Variants in FRMPD1 observed in about 807,000 individuals in gnomAD.
The protein encoded by FRMPD1 is FERM and PDZ domain-containing protein 1.
A neutral mutation model predicts 117.8 loss-of-function variants in FRMPD1; 76 were observed. The ratio of observed to expected loss-of-function variants is 0.65; its 90% confidence interval spans 0.54 to 0.78. The LOEUF is 0.78. Among genes scored for constraint, FRMPD1 ranks in the 30% least tolerant of loss-of-function variants. FRMPD1 has a pLI of 0.00. For synonymous variants in FRMPD1, 783 were observed against 770.4 expected (o/e 1.02, Z -0.27); for missense variants, 1,786 against 1,964.5 (o/e 0.91, Z 1.72).
intron 2 of FRMPD1, among the ~76,000 whole-genome samples, chr9:37,695,228 A>G (rs12156643): frequency 0.35 from 52,569 of 152,034 alleles, 9,739 homozygotes; most frequent in Non-Finnish European, 0.43. Context: ...TTGAGGAACT[A>G]TCAGACTGTT....
chr9:37,711,497 A>T, intron 5 of FRMPD1, 102 bp downstream of exon 5: 1 of 879,106 alleles, frequency 1.1e-6, no homozygotes, highest in Non-Finnish European at 1.9e-6. Flanking sequence ...GGGAAGGCAA[A>T]GGGTGGAGGG....
At chr9:37,738,988 G>C (rs1255275607) in intron 14 of FRMPD1, among the ~76,000 whole-genome samples, 1 of 152,120 alleles carries the variant, frequency 6.6e-6, no homozygotes, top group Non-Finnish European at 1.5e-5. Context: ...GGAGGGGCTG[G>C]ACCATATTGC....
rs545942985 is a variant in FRMPD1, at chr9:37,705,429, G to A, written c.102-1987G>A. ...TGCAACCTCAGCCTCTTGAGTAGCT[G>A]GTACCACAGGTGTACACCACCAAGT... On this transcript the variant is annotated intron_variant, in intron 2 of 15. Transcript: ENST00000377765. 6.6e-5 allele frequency among the ~76,000 whole-genome samples: 10 copies of A among 152,192 alleles called. No homozygotes were observed. In the East Asian group the frequency reaches 1.5e-3, roughly 24 times the overall value.
chr9:37,646,863 G>A (rs1824149443), upstream of FRMPD1, among the ~76,000 whole-genome samples: 3 of 152,190 alleles, frequency 2.0e-5, no homozygotes, highest in Non-Finnish European at 4.4e-5. Flanking sequence ...GTATTTGAGT[G>A]CAAAGGAGAT....
intron 1 of FRMPD1, among the ~76,000 whole-genome samples, chr9:37,687,169 A>G (rs965310757): frequency 6.6e-6 from 1 of 152,216 alleles, no homozygotes; most frequent in Non-Finnish European, 1.5e-5. Context: ...AACTCATTCC[A>G]TGCTGGGATC....
At chr9:37,720,031 G>A (rs186778798) in intron 6 of FRMPD1, among the ~76,000 whole-genome samples, 7 of 152,222 alleles carry the variant, frequency 4.6e-5, no homozygotes, top group Admixed American at 6.5e-5. Context: ...AGCAAAGGCC[G>A]GGGGAGTCAC....
intron 10 of FRMPD1, 131 bp from the exon 11 acceptor site, chr9:37,733,342 A>C (rs1823976253): frequency 1.2e-6 from 1 of 819,844 alleles, no homozygotes; most frequent in South Asian, 1.7e-5. Flanking sequence ...AGAAAAAGAG[A>C]GGAGGAGAAA....
rs140020654 is a variant in FRMPD1 at position 37,725,075 on chromosome 9, A to C, written c.612+755A>C. On this transcript the variant is annotated intron_variant, in intron 7 of 15. Coordinates refer to ENST00000377765, the MANE Select transcript of FRMPD1 (RefSeq NM_014907.3). ...CAGAGAGTCACGTGAACTAATGCAG[A>C]GAGCCAGAAAAATGGCAATTGCCCA... Among the ~76,000 whole-genome samples the C allele has an allele frequency of 2.1e-3, 324 of 152,334 alleles. 1 individual carries two copies. Among genetic ancestry groups the C allele is most frequent in the African/African-American group, 7.3e-3 (302 of 41,580 alleles).
the FRMPD1 span, among the ~76,000 whole-genome samples, chr9:37,614,791 A>T: frequency 1.3e-5 from 2 of 152,256 alleles, no homozygotes; most frequent in Non-Finnish European, 2.9e-5. Context: ...GAGAAGTCAT[A>T]TTATAATCAG....
intron 1 of FRMPD1, among the ~76,000 whole-genome samples, chr9:37,691,338 C>T (rs1249223686): frequency 1.3e-5 from 2 of 152,150 alleles, no homozygotes; most frequent in Admixed American, 6.5e-5. Flanking sequence ...GTACTTACTG[C>T]CCCTAATTCC....
Position 37,745,530 on chromosome 9 carries a change from T to C in FRMPD1, c.3498T>C (p.Pro1166=), listed in dbSNP as rs745385483. Reference sequence around the variant, plus strand: ...TAACCTCCCTTTCTTTAGATGCTCCTGTAACAGGGACCGAGCAGATCCCAC... The same window carrying C: ...TAACCTCCCTTTCTTTAGATGCTCCCGTAACAGGGACCGAGCAGATCCCAC... ...KIVTSLSLDA[P]VTGTEQIPPH... Residue 1166 remains proline, a synonymous_variant, in exon 16 of 16, where the codon CCT becomes CCC. Transcript: ENST00000377765. 3.1e-6 allele frequency: 5 copies of C among 1,614,014 alleles called. No homozygotes were observed. The highest frequency in any genetic ancestry group is 1.3e-5 in the African/African-American group (1 of 74,926).
chr9:37,676,838 C>T (rs1350868745), intron 1 of FRMPD1, among the ~76,000 whole-genome samples: 2 of 152,172 alleles, frequency 1.3e-5, no homozygotes, highest in African/African-American at 4.8e-5. Flanking sequence ...TTTTAGACAG[C>T]CCGTTCTTAT....
In FRMPD1 at chr9:37,745,554, A is replaced by G; in HGVS notation, c.3522A>G (p.Pro1174=). Residue 1174 remains proline, a synonymous_variant, in exon 16 of 16, where the codon CCA becomes CCG. Transcript: ENST00000377765. ...DAPVTGTEQI[P]PHPPRDPQGQ... is the part of the protein sequence containing the mutation. The stretch of plus-strand genomic sequence containing the variant: ...CTGTAACAGGGACCGAGCAGATCCC[A>G]CCACATCCCCCTAGAGACCCTCAAG... 1 of 1,614,038 alleles carries G rather than the reference A, an allele frequency of 6.2e-7. No individual in the cohort carries two copies. Among genetic ancestry groups the G allele is most frequent in the Non-Finnish European group, 8.5e-7 (1 of 1,179,914 alleles).
the FRMPD1 span, among the ~76,000 whole-genome samples, chr9:37,632,469 G>A: frequency 1.3e-5 from 2 of 152,186 alleles, no homozygotes; most frequent in African/African-American, 4.8e-5. Flanking sequence ...AAGTGCTCAA[G>A]CAAGCCATCA....
Position 37,658,715 on chromosome 9 carries a change from A to G in FRMPD1, c.-5+7621A>G, listed in dbSNP as rs569330544. Among the ~76,000 whole-genome samples the G allele has an allele frequency of 3.1e-3, 471 of 152,264 alleles. 1 individual carries two copies. Among genetic ancestry groups the G allele is most frequent in the Non-Finnish European group, 4.1e-3 (278 of 68,012 alleles). Reference sequence around the variant, plus strand: ...TTTCAAATCTTTGTTTCACTCTTATAAGGACACTTGTCCTGAGATTTAGGG... The same window carrying G: ...TTTCAAATCTTTGTTTCACTCTTATGAGGACACTTGTCCTGAGATTTAGGG... On this transcript the variant is annotated intron_variant, in intron 1 of 15. Transcript: ENST00000377765.
chr9:37,653,771 A>G (rs1317326820), intron 1 of FRMPD1, among the ~76,000 whole-genome samples: 1 of 151,116 alleles, frequency 6.6e-6, no homozygotes, highest in Admixed American at 6.6e-5. Context: ...CCTGGGTAGC[A>G]TAGTGAGACC....
chr9:37,692,793 G>A lies in FRMPD1; in HGVS notation c.101+51G>A, dbSNP rs1431395877. On this transcript the variant is annotated intron_variant, in intron 2 of 15. Coordinates refer to ENST00000377765, the MANE Select transcript of FRMPD1 (RefSeq NM_014907.3). The stretch of plus-strand genomic sequence containing the variant: ...CTGTCTATAAAGGTCTGGTGTCCCG[G>A]GGGAGGAGCTTGTGCTGGTCCTGGC... 3 of 1,302,432 alleles carry A rather than the reference G, an allele frequency of 2.3e-6. No homozygotes were observed. The East Asian group carries it at 6.9e-5, about 30-fold the overall frequency. 80.7% of individuals were successfully genotyped at this position (1,302,432 alleles called of 1,614,324 possible). A position where few individuals can be genotyped will look rare whatever the true frequency, so the allele number is the denominator to read the frequency against.
At chr9:37,647,405 C>T (rs1014396051), upstream of FRMPD1, among the ~76,000 whole-genome samples, 2 of 150,798 alleles carry the variant, frequency 1.3e-5, no homozygotes, top group African/African-American at 2.4e-5. Flanking sequence ...CCAGCTACTC[C>T]GGAGGCTCAG....
At chr9:37,743,276 G>A (rs1824507714) in intron 15 of FRMPD1, among the ~76,000 whole-genome samples, 1 of 152,194 alleles carries the variant, frequency 6.6e-6, no homozygotes, top group Admixed American at 6.5e-5. Flanking sequence ...CTTGTGCTGG[G>A]TGCTTTATAA....
Sources: gnomAD v4.1 joint callset for allele counts (sites outside exome capture counted in the v4.1 genomes callset) on GRCh38, gnomAD v4.1.1 for gene constraint, MANE v1.5 for transcripts, NCBI Gene and HGNC (gene_info 2026-07-23, HGNC 2026-07-21) for gene names.